CLUL1: variants seen among roughly 807,000 people sequenced by gnomAD.
CLUL1 encodes clusterin like 1, also known as clusterin-like protein 1.
In CLUL1, 43 loss-of-function variants were observed where a neutral mutation model predicts 49.4. That is an observed-to-expected ratio of 0.87 (90% CI 0.68 to 1.12). The LOEUF (loss-of-function observed/expected upper bound fraction) is 1.12, where lower values mean the gene tolerates loss of function less well. Among genes scored for constraint, CLUL1 ranks in the 50% most tolerant of loss-of-function variants. The probability of loss-of-function intolerance (pLI) is 0.00; values close to 1 mark genes in which losing one functional copy is unlikely to be tolerated. For synonymous variants in CLUL1, 192 were observed against 184.9 expected (o/e 1.04, Z -0.31); for missense variants, 486 against 544.4 (o/e 0.89, Z 1.07).
chr18:640,703 C>G (rs1319383271), intron 7 of CLUL1, among the ~76,000 whole-genome samples: 1 of 152,144 alleles, frequency 6.6e-6, no homozygotes, highest in Non-Finnish European at 1.5e-5. Flanking sequence ...CTATTATAAA[C>G]AAATCTCATA....
At chr18:632,549 C>G (rs531986255) in intron 6 of CLUL1, among the ~76,000 whole-genome samples, 1 of 152,248 alleles carries the variant, frequency 6.6e-6, no homozygotes, top group Non-Finnish European at 1.5e-5. Context: ...CACCTATTTA[C>G]TTAATCCTAT....
At chr18:614,475 C>T (rs1013423545) in intron 2 of CLUL1, 1 of 152,216 alleles carries the variant, frequency 6.6e-6, no homozygotes, top group Non-Finnish European at 1.5e-5. Flanking sequence ...TGTTTTACTT[C>T]TCTTATGCAT....
intron 9 of CLUL1, among the ~76,000 whole-genome samples, chr18:647,461 C>A (rs1159760485): frequency 6.6e-6 from 1 of 152,130 alleles, no homozygotes; most frequent in Non-Finnish European, 1.5e-5. Flanking sequence ...ATGCCCAGAG[C>A]CAGGCAGAAA....
intron 2 of CLUL1, among the ~76,000 whole-genome samples, chr18:610,135 A>T (rs1318167134): frequency 2.6e-5 from 4 of 152,044 alleles, no homozygotes; most frequent in Admixed American, 2.6e-4. Flanking sequence ...CAGATCAAGA[A>T]CCAAATTAAA....
chr18:649,499 A>C (rs1477343210), intron 9 of CLUL1: 1 of 157,488 alleles, frequency 6.3e-6, no homozygotes, highest in Non-Finnish European at 1.4e-5. Flanking sequence ...AGTCTTTAAT[A>C]AGCTTTTGTA....
intron 7 of CLUL1, among the ~76,000 whole-genome samples, chr18:639,258 C>G (rs562418978): frequency 2.7e-5 from 4 of 150,716 alleles, no homozygotes; most frequent in African/African-American, 7.3e-5. Flanking sequence ...AACCCCATCT[C>G]TATTAAAAAT....
In CLUL1 at chr18:649,021, A is replaced by G. The variant is rs187489344; in HGVS notation, c.1398-877A>G. 4.3e-3 allele frequency among the ~76,000 whole-genome samples: 648 copies of G among 152,218 alleles called. 3 individuals carry two copies. Among genetic ancestry groups the G allele is most frequent in the Non-Finnish European group, 7.5e-3 (513 of 68,002 alleles). ...TTTTTATCTTATTGTTATAATTTTT[A>G]TGGTTTTTTATTATTCATGAGAATA... On this transcript the variant is annotated intron_variant, in intron 9 of 9. Coordinates refer to ENST00000692774, the MANE Select transcript of CLUL1 (RefSeq NM_001393344.1).
At chr18:621,789 G>A (rs1008155544) in intron 4 of CLUL1, among the ~76,000 whole-genome samples, 4 of 152,144 alleles carry the variant, frequency 2.6e-5, no homozygotes, top group African/African-American at 4.8e-5. Context: ...ATGTGTGCAC[G>A]GGGGACCCAG....
intron 7 of CLUL1, among the ~76,000 whole-genome samples, chr18:637,475 A>G (rs950118530): frequency 6.6e-6 from 1 of 152,138 alleles, no homozygotes; most frequent in Non-Finnish European, 1.5e-5. Context: ...AGAGTCCATT[A>G]TACAAATGGA....
At chr18:634,611 C>T (rs1157670436) in intron 7 of CLUL1, among the ~76,000 whole-genome samples, 1 of 152,108 alleles carries the variant, frequency 6.6e-6, no homozygotes, top group Non-Finnish European at 1.5e-5. Context: ...ACCCCTGCCC[C>T]CAACCATGAA....
Position 641,363 on chromosome 18 carries a change from A to T in CLUL1, c.1031A>T (p.Asp344Val), listed in dbSNP as rs115410540. ...GTACCTGCTCTGCACACAGAATTAG[A>T]CGAGGCGATCAGGTTGGTCAATGTA... is the stretch of plus-strand genomic sequence containing the variant. ...PDVPALHTEL[D>V]EAIRLVNVSN... Residue 344 changes from aspartate to valine, a missense_variant, in exon 8 of 10, where the codon GAC (aspartate) becomes GTC (valine). Physicochemically the swap from Asp to Val is radical, Grantham distance 152. Coordinates refer to ENST00000692774, the MANE Select transcript of CLUL1 (RefSeq NM_001393344.1). 1.2e-6 allele frequency: 2 copies of T among 1,614,044 alleles called. No homozygotes were observed. Among genetic ancestry groups the T allele is most frequent in the Non-Finnish European group, 1.7e-6 (2 of 1,180,028 alleles).
chr18:628,819 AC>A (rs1226874846), intron 6 of CLUL1, among the ~76,000 whole-genome samples: 1 of 151,328 alleles, frequency 6.6e-6, no homozygotes, highest in African/African-American at 2.4e-5. Context: ...TTTAGTAGAG[AC>A]AGGGGTTTCA....
At chr18:636,624 C>CTTTTTTTTTTTTTTT (rs68150473) in intron 7 of CLUL1, among the ~76,000 whole-genome samples, 1 of 122,066 alleles carries the variant, frequency 8.2e-6, no homozygotes, top group Non-Finnish European at 1.7e-5. Flanking sequence ...CCCTTTCTCT[C>CTTTTTTTTTTTTTTT]TTTTTTTTTT....
rs372267116 is a variant in CLUL1, at chr18:634,283, C to T, written c.994+848C>T. Among the ~76,000 whole-genome samples, 124 of 152,242 alleles carry T rather than the reference C, an allele frequency of 8.1e-4. 2 individuals carry two copies. The South Asian group carries it at 0.023, about 28-fold the overall frequency. Reference sequence around the variant, plus strand: ...TAGCTGGGATTACAGGCATGTGCCACCACGCCCGGCTAATTTTTTTTGTAT... The same window carrying T: ...TAGCTGGGATTACAGGCATGTGCCATCACGCCCGGCTAATTTTTTTTGTAT... On this transcript the variant is annotated intron_variant, in intron 7 of 9. Coordinates refer to ENST00000692774, the MANE Select transcript of CLUL1 (RefSeq NM_001393344.1).
chr18:598,341 T>G (rs1042004011), intron 1 of CLUL1: 9 of 388,636 alleles, frequency 2.3e-5, no homozygotes, highest in Non-Finnish European at 3.6e-5. Flanking sequence ...GATCTGTTTT[T>G]CCAGGTCCCT....
intron 5 of CLUL1, among the ~76,000 whole-genome samples, chr18:626,413 G>A (rs1208564562): frequency 1.3e-5 from 2 of 152,088 alleles, no homozygotes; most frequent in African/African-American, 4.8e-5. Flanking sequence ...TAAACCAGGA[G>A]AAATTTCAGA....
intron 6 of CLUL1, among the ~76,000 whole-genome samples, chr18:632,718 AATTACATGC>A (rs1434411486): frequency 6.6e-6 from 1 of 152,218 alleles, no homozygotes; most frequent in Non-Finnish European, 1.5e-5. Context: ...TAGAAAATAA[AATTACATGC>A]ATTAATATAT....
chr18:626,932 AAAGAAG>A (rs2144062883), intron 5 of CLUL1, among the ~76,000 whole-genome samples, 159 bp from the exon 6 acceptor site: 7 of 1,228 alleles, frequency 5.7e-3, no homozygotes, highest in African/African-American at 6.1e-3. Flanking sequence ...AGAAAGAAGG[AAAGAAG>A]GAAAGAAGGA....
rs36222515 is a variant in CLUL1 at position 630,672 on chromosome 18, C to CTTTTT, written c.857-2597_857-2593dup. Among the ~76,000 whole-genome samples, 203 of 62,042 alleles carry CTTTTT rather than the reference C, an allele frequency of 3.3e-3. 16 individuals carry two copies. Among genetic ancestry groups the CTTTTT allele is most frequent in the African/African-American group, 0.012 (167 of 13,906 alleles). 40.7% of individuals were successfully genotyped at this position (62,042 alleles called of 152,430 possible). On this transcript the variant is annotated intron_variant, in intron 6 of 9. Transcript: ENST00000692774. ...CGCAAAAAACTAGCCCTACTGACAT[C>CTTTTT]TTTTTTTTTTTTTTTTTTTTTTTTT...
Sources: allele counts gnomAD v4.1 joint callset (sites outside exome capture counted in the v4.1 genomes callset), GRCh38; gene constraint gnomAD v4.1.1; transcripts MANE v1.5; gene names NCBI Gene and HGNC (gene_info 2026-07-23, HGNC 2026-07-21).